SGCD: variants seen among roughly 807,000 people sequenced by gnomAD.
The protein encoded by SGCD is sarcoglycan delta.
SGCD carries 18 observed loss-of-function variants against 36.6 expected under a neutral mutation model. The observed-to-expected ratio is 0.49, with a 90% CI of 0.34 to 0.73. The LOEUF is 0.73. SGCD is among the 30% of genes least tolerant of loss of function. The probability of loss-of-function intolerance (pLI) is 0.01; values close to 1 mark genes in which losing one functional copy is unlikely to be tolerated. For synonymous variants in SGCD, 133 were observed against 130.6 expected (o/e 1.02, Z -0.12); for missense variants, 387 against 346.7 (o/e 1.12, Z -0.92).
rs560618981 is a variant in SGCD at position 156,410,884 on chromosome 5, C to T, written c.192+66207C>T. ...GGAATCCTAATCCTCCCTTCTTCTT[C>T]TCCCTGGACAAGATCAACTCTCACT... is the stretch of plus-strand genomic sequence containing the variant. On this transcript the variant is annotated intron_variant, in intron 3 of 8. Transcript: ENST00000337851. Among the ~76,000 whole-genome samples, 37 of 152,060 alleles carry T rather than the reference C, an allele frequency of 2.4e-4. No homozygotes were observed. In the South Asian group the frequency reaches 7.1e-3, roughly 29 times the overall value.
At chr5:156,695,533 AT>A (rs1754286167) in intron 7 of SGCD, among the ~76,000 whole-genome samples, 1 of 141,666 alleles carries the variant, frequency 7.1e-6, no homozygotes, top group Non-Finnish European at 1.6e-5. Context: ...AGATAGATAG[AT>A]AGATAGATAG....
intron 1 of SGCD, among the ~76,000 whole-genome samples, chr5:155,939,329 A>T (rs918244955): frequency 2.6e-4 from 39 of 152,102 alleles, no homozygotes; most frequent in African/African-American, 9.4e-4. Flanking sequence ...AATATATATA[A>T]TTTTTATTTC....
chr5:155,731,816 T>G, the SGCD span, among the ~76,000 whole-genome samples: 4 of 152,204 alleles, frequency 2.6e-5, no homozygotes, highest in Non-Finnish European at 5.9e-5. Context: ...GACCGGAATG[T>G]GCTACTTTGA....
At chr5:156,153,618 A>G (rs914123852) in intron 3 of SGCD, among the ~76,000 whole-genome samples, 10 of 151,564 alleles carry the variant, frequency 6.6e-5, no homozygotes, top group African/African-American at 2.4e-4. Flanking sequence ...AAATATACCA[A>G]AGGGTAAGAA....
At chr5:156,616,133 A>G (rs748159528) in intron 6 of SGCD, among the ~76,000 whole-genome samples, 2 of 152,194 alleles carry the variant, frequency 1.3e-5, no homozygotes, top group Non-Finnish European at 2.9e-5. Flanking sequence ...ATCATGTCTC[A>G]GCTCTATTTT....
intron 4 of SGCD, among the ~76,000 whole-genome samples, chr5:156,552,746 G>C (rs899709482): frequency 4.6e-5 from 7 of 152,126 alleles, no homozygotes; most frequent in African/African-American, 1.7e-4. Context: ...AATAAAAGTA[G>C]TATAGACTGT....
intron 3 of SGCD, among the ~76,000 whole-genome samples, chr5:156,192,866 T>C (rs1763927060): frequency 6.8e-6 from 1 of 146,948 alleles, no homozygotes; most frequent in Non-Finnish European, 1.5e-5. Flanking sequence ...AGAAGCCAGG[T>C]GTATATATTT....
intron 5 of SGCD, among the ~76,000 whole-genome samples, chr5:156,593,371 A>T (rs151058270): frequency 1.3e-5 from 2 of 152,156 alleles, no homozygotes; most frequent in African/African-American, 4.8e-5. Flanking sequence ...TTCAGTGGCC[A>T]TGATGGATCA....
At chr5:156,757,835 A>C in intron 8 of SGCD, 131 bp downstream of exon 8, 1 of 1,355,316 alleles carries the variant, frequency 7.4e-7, no homozygotes, top group Non-Finnish European at 9.5e-7. Flanking sequence ...TTTATTTCTG[A>C]AACAATTAAT....
intron 3 of SGCD, among the ~76,000 whole-genome samples, chr5:156,474,332 G>A (rs1755091214): frequency 6.8e-6 from 1 of 146,424 alleles, no homozygotes; most frequent in Non-Finnish European, 1.6e-5. Context: ...CAAGCACCGT[G>A]TGTCAGGATC....
chr5:156,458,457 C>T, intron 3 of SGCD: 3 of 1,610,368 alleles, frequency 1.9e-6, no homozygotes, highest in Non-Finnish European at 2.5e-6. Flanking sequence ...TTCCCATCCC[C>T]ATGGCAGCTC....
chr5:156,737,473 G>T (rs1756433818), intron 7 of SGCD, among the ~76,000 whole-genome samples: 1 of 152,176 alleles, frequency 6.6e-6, no homozygotes, highest in African/African-American at 2.4e-5. Flanking sequence ...ATAAATTTTA[G>T]TAAGTGGCTT....
chr5:156,156,719 T>C (rs1313852618), intron 3 of SGCD, among the ~76,000 whole-genome samples: 1 of 151,424 alleles, frequency 6.6e-6, no homozygotes, highest in African/African-American at 2.5e-5. Flanking sequence ...AATGTATATT[T>C]TTTCAGGTCC....
At chr5:155,968,500 A>ATG (rs900038902) in intron 1 of SGCD, among the ~76,000 whole-genome samples, 3 of 152,244 alleles carry the variant, frequency 2.0e-5, no homozygotes, top group African/African-American at 7.2e-5. Context: ...AGACCACCCC[A>ATG]TGCATATAAC....
chr5:156,010,413 A>G (rs1456237226), intron 1 of SGCD, among the ~76,000 whole-genome samples: 1 of 152,202 alleles, frequency 6.6e-6, no homozygotes, highest in Non-Finnish European at 1.5e-5. Context: ...CAGATCTTAC[A>G]ACCTGTTTGT....
intron 4 of SGCD, among the ~76,000 whole-genome samples, chr5:156,537,574 G>A (rs148002505): frequency 7.3e-5 from 11 of 151,702 alleles, no homozygotes; most frequent in East Asian, 1.9e-4. Flanking sequence ...TGAAACTAGC[G>A]AGGGTGTTCT....
rs539892380 is a variant in SGCD, at chr5:156,056,835, A to T, written c.-281-61043A>T. ...ATCTGTCGGGTGGTTACACAACTATAACCACTGGGCATTTTTTGAAAGTAC... is the reference window on the plus strand; with the variant it reads ...ATCTGTCGGGTGGTTACACAACTATTACCACTGGGCATTTTTTGAAAGTAC... On this transcript the variant is annotated intron_variant, in intron 1 of 9. Transcript: ENST00000517913. 6.5e-4 allele frequency among the ~76,000 whole-genome samples: 94 copies of T among 145,586 alleles called. 6 individuals carry two copies. Among genetic ancestry groups the T allele is most frequent in the African/African-American group, 2.2e-3 (91 of 40,516 alleles).
At chr5:155,785,535 T>C in the SGCD span, among the ~76,000 whole-genome samples, 10 of 152,180 alleles carry the variant, frequency 6.6e-5, no homozygotes, top group Admixed American at 5.9e-4. Flanking sequence ...TGTAAACTTG[T>C]ACCCACTGGC....
At chr5:155,750,560 TC>T in the SGCD span, among the ~76,000 whole-genome samples, 4 of 152,228 alleles carry the variant, frequency 2.6e-5, no homozygotes, top group African/African-American at 9.6e-5. Flanking sequence ...TCTCTAAGGG[TC>T]CTCTTTCTAG....
Sources: allele counts gnomAD v4.1 joint callset (sites outside exome capture counted in the v4.1 genomes callset), GRCh38; gene constraint gnomAD v4.1.1; transcripts MANE v1.5; gene names NCBI Gene and HGNC (gene_info 2026-07-23, HGNC 2026-07-21).